DIAPH3: variants seen among roughly 807,000 people sequenced by gnomAD.
DIAPH3 encodes diaphanous related formin 3, also known as protein diaphanous homolog 3.
Under a neutral mutation model 144.3 loss-of-function variants are expected in DIAPH3, and 117 were observed. The observed-to-expected ratio is 0.81, with a 90% CI of 0.70 to 0.95. The LOEUF is 0.95. DIAPH3 is among the 40% of genes least tolerant of loss of function. The probability of loss-of-function intolerance (pLI) is 0.00; values close to 1 mark genes in which losing one functional copy is unlikely to be tolerated. For synonymous variants in DIAPH3, 519 were observed against 488.9 expected, an observed-to-expected ratio of 1.06 and a Z score of -0.81; for missense variants, 1,421 against 1,412.7, an observed-to-expected ratio of 1.01 and a Z score of -0.09.
At chr13:59,839,470 GC>G in intron 22 of DIAPH3, 22 bp from the exon 23 acceptor site, 1 of 1,609,436 alleles carries the variant, frequency 6.2e-7, no homozygotes, top group South Asian at 1.1e-5. Context: ...TATATTAAAT[GC>G]CCGGAAAGGA....
At chr13:60,119,746 C>CAAAA (rs34356415) in intron 2 of DIAPH3, among the ~76,000 whole-genome samples, 420 of 49,422 alleles carry the variant, frequency 8.5e-3, no homozygotes, top group Non-Finnish European at 9.3e-3. Context: ...GACTCCGTCT[C>CAAAA]AAAAAAAAAA....
At chr13:60,127,537 C>T (rs543807398) in intron 2 of DIAPH3, among the ~76,000 whole-genome samples, 1 of 152,184 alleles carries the variant, frequency 6.6e-6, no homozygotes, top group South Asian at 2.1e-4. Context: ...TACTCAAATG[C>T]TCATAGCAAC....
At chr13:59,911,346 G>A (rs1466781669) in intron 20 of DIAPH3, among the ~76,000 whole-genome samples, 3 of 152,008 alleles carry the variant, frequency 2.0e-5, no homozygotes, top group Non-Finnish European at 4.4e-5. Context: ...TCTAAACTAC[G>A]AGATGAATTC....
intron 15 of DIAPH3, among the ~76,000 whole-genome samples, chr13:59,972,808 T>G (rs1165597658): frequency 2.0e-5 from 3 of 152,216 alleles, no homozygotes; most frequent in Non-Finnish European, 4.4e-5. Context: ...GTGACTATCT[T>G]GCTCATCACT....
intron 17 of DIAPH3, among the ~76,000 whole-genome samples, chr13:59,932,538 T>TA (rs577365234): frequency 7.9e-5 from 12 of 151,276 alleles, no homozygotes; most frequent in East Asian, 3.9e-4. Flanking sequence ...TGTCACAGTT[T>TA]AAAAAAAAAC....
At chr13:59,717,526 T>G (rs1451180177) in intron 27 of DIAPH3, among the ~76,000 whole-genome samples, 2 of 152,206 alleles carry the variant, frequency 1.3e-5, no homozygotes, top group Non-Finnish European at 2.9e-5. Flanking sequence ...GTCTGACCAC[T>G]CACTCAGACC....
intron 18 of DIAPH3, among the ~76,000 whole-genome samples, chr13:59,921,047 GA>G: frequency 6.6e-6 from 1 of 150,938 alleles, no homozygotes; most frequent in East Asian, 1.9e-4. Context: ...TTAGAAAATT[GA>G]AAAGGGAAAC....
chr13:60,028,789 G>A (rs771175049), intron 5 of DIAPH3, among the ~76,000 whole-genome samples: 8 of 152,070 alleles, frequency 5.3e-5, no homozygotes, highest in Admixed American at 2.6e-4. Context: ...GGCCGGGCAC[G>A]GTGCCTCACA....
At chr13:59,951,505 T>C (rs1335619912) in intron 17 of DIAPH3, among the ~76,000 whole-genome samples, 1 of 152,092 alleles carries the variant, frequency 6.6e-6, no homozygotes, top group African/African-American at 2.4e-5. Flanking sequence ...CTATAACACA[T>C]ATATCTTTCA....
At chr13:60,008,676 T>C in intron 8 of DIAPH3, 27 bp from the exon 9 acceptor site, 3 of 1,429,942 alleles carry the variant, frequency 2.1e-6, no homozygotes, top group Non-Finnish European at 2.0e-6. Flanking sequence ...GTCAATTAAA[T>C]TGCAAGTAGC....
At chr13:59,750,085 C>T (rs2036927652) in intron 27 of DIAPH3, among the ~76,000 whole-genome samples, 1 of 151,900 alleles carries the variant, frequency 6.6e-6, no homozygotes, top group Admixed American at 6.5e-5. Context: ...GATTTTGACT[C>T]TCTCAATACA....
intron 24 of DIAPH3, among the ~76,000 whole-genome samples, chr13:59,822,092 C>A (rs551050474): frequency 7.9e-5 from 12 of 152,102 alleles, no homozygotes; most frequent in Admixed American, 7.2e-4. Context: ...TTCCACAATT[C>A]GTAAAATTTT....
At chr13:60,085,215 C>A (rs1440312679) in intron 4 of DIAPH3, among the ~76,000 whole-genome samples, 1 of 151,916 alleles carries the variant, frequency 6.6e-6, no homozygotes, top group Non-Finnish European at 1.5e-5. Context: ...TACTAGTGAC[C>A]AAATGTCATA....
At chr13:60,072,716 AAAT>A (rs1285981351) in intron 4 of DIAPH3, among the ~76,000 whole-genome samples, 1 of 152,210 alleles carries the variant, frequency 6.6e-6, no homozygotes, top group African/African-American at 2.4e-5. Context: ...AAAAAAGGAG[AAAT>A]AATATCAGAA....
chr13:59,709,908 T>C (rs1182710120), intron 27 of DIAPH3, among the ~76,000 whole-genome samples: 3 of 151,972 alleles, frequency 2.0e-5, no homozygotes, highest in Non-Finnish European at 4.4e-5. Context: ...TGGAATACTA[T>C]GCAGCCATAA....
chr13:60,120,711 A>G (rs1445546180), intron 2 of DIAPH3, among the ~76,000 whole-genome samples: 3 of 152,194 alleles, frequency 2.0e-5, no homozygotes, highest in Non-Finnish European at 4.4e-5. Context: ...ATGCCTGCAC[A>G]GGGAAGAACC....
chr13:59,761,780 TG>T lies in DIAPH3; in HGVS notation c.3319+12408del, dbSNP rs574969186. Among the ~76,000 whole-genome samples, 41 of 152,246 alleles carry T rather than the reference TG, an allele frequency of 2.7e-4. 1 individual carries two copies. The highest frequency in any genetic ancestry group is 6.8e-3 in the Middle Eastern group (2 of 294). ...TCCTCTTTAGGTTTATATATAGCAT[TG>T]GAAGACAGAAAGTAAAGAGAAATAA... On this transcript the variant is annotated intron_variant, in intron 27 of 27. Transcript: ENST00000400324.
At chr13:59,948,612 C>T (rs2048922031) in intron 17 of DIAPH3, among the ~76,000 whole-genome samples, 1 of 151,806 alleles carries the variant, frequency 6.6e-6, no homozygotes, top group South Asian at 2.1e-4. Context: ...TTTATCAGGC[C>T]CAGTGTGTTT....
In DIAPH3 at chr13:59,818,905, T is replaced by A. The variant is rs75263404; in HGVS notation, c.3028-7982A>T. 2.1e-3 allele frequency among the ~76,000 whole-genome samples: 324 copies of A among 152,060 alleles called. 2 individuals are homozygous for A. Among genetic ancestry groups the A allele is most frequent in the African/African-American group, 7.4e-3 (308 of 41,572 alleles). ...TGCTTTTTTCAAAACTGCTCCTTTT[T>A]AGTATTCTCCTGTTACTTTTTCTCT... is the stretch of plus-strand genomic sequence containing the variant. On this transcript the variant is annotated intron_variant, in intron 24 of 27. Transcript: ENST00000400324.
Sources: allele counts gnomAD v4.1 joint callset (sites outside exome capture counted in the v4.1 genomes callset), GRCh38; gene constraint gnomAD v4.1.1; transcripts MANE v1.5; gene names NCBI Gene and HGNC (gene_info 2026-07-23, HGNC 2026-07-21).